EDA: variants seen among roughly 807,000 people sequenced by gnomAD.
EDA encodes the protein ectodysplasin-A.
A neutral mutation model predicts 23.6 loss-of-function variants in EDA; 2 were observed. The observed-to-expected ratio is 0.08, with a 90% CI of 0.03 to 0.27. The LOEUF is 0.27. Among genes scored for constraint, EDA ranks in the 10% least tolerant of loss-of-function variants. The probability of loss-of-function intolerance (pLI) is 1.00; values close to 1 mark genes in which losing one functional copy is unlikely to be tolerated. For synonymous variants in EDA, 131 were observed against 132.0 expected (o/e 0.99, Z 0.05); for missense variants, 229 against 324.2 (o/e 0.71, Z 2.26).
At chrX:69,932,001 A>G (rs2018605387) in intron 1 of EDA, among the ~76,000 whole-genome samples, 2 of 112,434 alleles carry the variant, frequency 1.8e-5, no homozygotes, top group African/African-American at 6.5e-5. Flanking sequence ...GCAACAGAAT[A>G]CTACTTATCA....
At chrX:69,673,056 G>A (rs976111448) in intron 1 of EDA, among the ~76,000 whole-genome samples, 2 of 111,268 alleles carry the variant, frequency 1.8e-5, no homozygotes, top group Admixed American at 1.9e-4. Context: ...AAAGTGAACG[G>A]TAGGAATGAT....
intron 1 of EDA, among the ~76,000 whole-genome samples, chrX:69,925,322 T>G (rs1602538625): frequency 8.9e-6 from 1 of 111,968 alleles, no homozygotes; most frequent in Non-Finnish European, 1.9e-5. Flanking sequence ...TGACATATGT[T>G]CCATCAATAC....
chrX:69,757,572 C>T (rs2014162965), intron 1 of EDA, among the ~76,000 whole-genome samples: 1 of 112,269 alleles, frequency 8.9e-6, no homozygotes, highest in African/African-American at 3.2e-5. Context: ...TATATTCTCA[C>T]TTCGCAGCAG....
chrX:69,647,056 G>A (rs1932943838), intron 1 of EDA, among the ~76,000 whole-genome samples: 1 of 111,690 alleles, frequency 9.0e-6, no homozygotes, highest in African/African-American at 3.3e-5. Flanking sequence ...TCTGCTGAGA[G>A]GTCTGCTATT....
At chrX:69,997,164 T>C (rs1406841886) in intron 2 of EDA, among the ~76,000 whole-genome samples, 2 of 111,997 alleles carry the variant, frequency 1.8e-5, no homozygotes, top group East Asian at 5.6e-4. Flanking sequence ...GACAGGAAAA[T>C]GTGGGAAAGT....
intron 2 of EDA, among the ~76,000 whole-genome samples, chrX:70,018,265 G>T (rs942989759): frequency 8.9e-5 from 10 of 111,947 alleles, no homozygotes; most frequent in Non-Finnish European, 5.6e-5. Context: ...TGTCAAAATG[G>T]TCATAATACC....
intron 2 of EDA, among the ~76,000 whole-genome samples, chrX:69,970,031 A>G (rs757828484): frequency 2.2e-4 from 24 of 111,554 alleles, no homozygotes; most frequent in Non-Finnish European, 2.3e-4. Context: ...ACTTGAGCCC[A>G]GGAGTTTGAG....
chrX:69,904,648 C>T (rs1206179218), intron 1 of EDA, among the ~76,000 whole-genome samples: 4 of 112,254 alleles, frequency 3.6e-5, no homozygotes, highest in African/African-American at 9.7e-5. Context: ...TCGTGCCTGG[C>T]CCCCTCTTCT....
chrX:70,020,996 G>A (rs957370066), intron 2 of EDA, among the ~76,000 whole-genome samples: 2 of 112,126 alleles, frequency 1.8e-5, no homozygotes, highest in African/African-American at 6.5e-5. Flanking sequence ...GTATGTGTAA[G>A]GAGTAGGTAT....
intron 1 of EDA, among the ~76,000 whole-genome samples, chrX:69,956,677 A>G (rs982692329): frequency 1.3e-4 from 14 of 111,299 alleles, no homozygotes; most frequent in Admixed American, 2.9e-4. Flanking sequence ...TTTCTGTTCA[A>G]CTCAAATTCT....
At chrX:69,799,200 G>T (rs1460195014) in intron 1 of EDA, among the ~76,000 whole-genome samples, 1 of 111,474 alleles carries the variant, frequency 9.0e-6, no homozygotes, top group East Asian at 2.8e-4. Context: ...ATGGATTAAA[G>T]ACTTAAATCT....
intron 1 of EDA, among the ~76,000 whole-genome samples, chrX:69,732,472 T>C (rs185466314): frequency 4.1e-4 from 46 of 112,578 alleles, no homozygotes; most frequent in African/African-American, 1.5e-3. Flanking sequence ...GGTGTATATG[T>C]GCCACATTTT....
chrX:70,003,929 G>C (rs763206506), intron 2 of EDA, among the ~76,000 whole-genome samples: 1 of 111,724 alleles, frequency 9.0e-6, no homozygotes, highest in East Asian at 2.8e-4. Context: ...GAAAAACACT[G>C]CATGATCTCC....
chrX:69,992,076 A>G (rs1355112922), intron 2 of EDA, among the ~76,000 whole-genome samples: 2 of 111,713 alleles, frequency 1.8e-5, no homozygotes, highest in African/African-American at 3.3e-5. Flanking sequence ...CCTTTTTCCA[A>G]TCCTTTGGCC....
At chrX:69,777,420 C>T (rs142807340) in intron 1 of EDA, among the ~76,000 whole-genome samples, 7 of 110,996 alleles carry the variant, frequency 6.3e-5, no homozygotes, top group East Asian at 2.8e-4. Context: ...TACAACTATA[C>T]GTAGTTTGTC....
intron 1 of EDA, among the ~76,000 whole-genome samples, chrX:69,880,392 T>G (rs1465036895): frequency 8.9e-6 from 1 of 112,095 alleles, no homozygotes; most frequent in Admixed American, 9.4e-5. Flanking sequence ...AAGGACATGC[T>G]TAACAACAAC....
chrX:70,027,549 G>GC (rs2147508948), intron 3 of EDA, among the ~76,000 whole-genome samples: 1 of 111,888 alleles, frequency 8.9e-6, no homozygotes, highest in East Asian at 2.8e-4. Flanking sequence ...GAGGCCAGGC[G>GC]CGGTGGCTCA....
intron 1 of EDA, among the ~76,000 whole-genome samples, chrX:69,928,212 C>T (rs2018549733): frequency 9.0e-6 from 1 of 111,350 alleles, no homozygotes; most frequent in South Asian, 3.8e-4. Context: ...CTTCAGATGT[C>T]ATCTCCCTAG....
chrX:69,657,792 C>T (rs990676047), intron 1 of EDA, among the ~76,000 whole-genome samples: 1 of 111,475 alleles, frequency 9.0e-6, no homozygotes, highest in Non-Finnish European at 1.9e-5. Flanking sequence ...TGTAGGTATG[C>T]AGCTTCATTT....
Sources: gnomAD v4.1 joint callset for allele counts (sites outside exome capture counted in the v4.1 genomes callset) on GRCh38, gnomAD v4.1.1 for gene constraint, MANE v1.5 for transcripts, NCBI Gene and HGNC (gene_info 2026-07-23, HGNC 2026-07-21) for gene names.